CPQ: variants seen among roughly 807,000 people sequenced by gnomAD.
CPQ encodes the protein Ser-Met dipeptidase.
A neutral mutation model predicts 45.7 loss-of-function variants in CPQ; 37 were observed. The ratio of observed to expected loss-of-function variants is 0.81; its 90% CI spans 0.62 to 1.07. The LOEUF (loss-of-function observed/expected upper bound fraction) is 1.07, where lower values mean the gene tolerates loss of function less well. CPQ is among the 50% of genes least tolerant of loss of function. The pLI, the probability that CPQ is intolerant of heterozygous loss-of-function variation, is 0.00. For missense variants in CPQ, 537 were observed against 572.9 expected, an observed-to-expected ratio of 0.94 and a Z score of 0.64; for synonymous variants, 186 against 205.8, an observed-to-expected ratio of 0.90 and a Z score of 0.82.
chr8:96,667,811 C>G (rs1808946393), intron 1 of CPQ, among the ~76,000 whole-genome samples: 1 of 152,144 alleles, frequency 6.6e-6, no homozygotes, highest in South Asian at 2.1e-4. Context: ...GAAGTCCTGT[C>G]TCTTATATGA....
chr8:96,856,203 G>T (rs553731264), intron 3 of CPQ, among the ~76,000 whole-genome samples: 1 of 152,320 alleles, frequency 6.6e-6, no homozygotes, highest in Non-Finnish European at 1.5e-5. Context: ...CTGCCCAGCG[G>T]GACACAGATT....
chr8:96,967,331 T>C (rs1813583413), intron 5 of CPQ, among the ~76,000 whole-genome samples: 1 of 152,204 alleles, frequency 6.6e-6, no homozygotes, highest in African/African-American at 2.4e-5. Flanking sequence ...GGACTTTAGG[T>C]CACTTTACTA....
chr8:97,123,039 A>AAAAT lies in CPQ; in HGVS notation c.1256-19973_1256-19970dup, dbSNP rs1399667510. 4.0e-5 allele frequency among the ~76,000 whole-genome samples: 3 copies of AAAAT among 75,346 alleles called. 1 individual carries two copies. Among genetic ancestry groups the AAAAT allele is most frequent in the Non-Finnish European group, 8.0e-5 (3 of 37,376 alleles). The allele number at this position is 75,346 out of a possible 152,430, so 49.4% of individuals were successfully genotyped here. On this transcript the variant is annotated intron_variant, in intron 7 of 7. Coordinates refer to ENST00000220763, the MANE Select transcript of CPQ (RefSeq NM_016134.4). Reference sequence around the variant, plus strand: ...TAAAATAAAATAAATAAAATAAAATAAAATAAATAAAATAAAATAAAATAA... The same window carrying AAAAT: ...TAAAATAAAATAAATAAAATAAAATAAAATAAATAAATAAAATAAAATAAAATAA...
At chr8:96,816,473 A>G (rs1325109027) in intron 2 of CPQ, among the ~76,000 whole-genome samples, 5 of 152,094 alleles carry the variant, frequency 3.3e-5, no homozygotes, top group Admixed American at 6.6e-5. Context: ...GTTGGAATCA[A>G]CTTCTTCCAA....
chr8:96,753,315 C>T (rs1172101110), intron 1 of CPQ, among the ~76,000 whole-genome samples: 1 of 152,044 alleles, frequency 6.6e-6, no homozygotes, highest in African/African-American at 2.4e-5. Flanking sequence ...TTATAAAAGG[C>T]AGTTTAATAT....
chr8:96,926,353 CT>C (rs918458927), intron 4 of CPQ, among the ~76,000 whole-genome samples: 1 of 152,286 alleles, frequency 6.6e-6, no homozygotes, highest in Non-Finnish European at 1.5e-5. Flanking sequence ...GTCTCTATCA[CT>C]TTGGGGTGGG....
chr8:96,830,281 G>A (rs894464875), intron 2 of CPQ, among the ~76,000 whole-genome samples: 2 of 152,024 alleles, frequency 1.3e-5, no homozygotes, highest in African/African-American at 4.8e-5. Context: ...TTATTTTGAT[G>A]GTAGAAAATG....
intron 1 of CPQ, among the ~76,000 whole-genome samples, chr8:96,731,372 C>A (rs1337504378): frequency 6.6e-6 from 1 of 152,162 alleles, no homozygotes; most frequent in Non-Finnish European, 1.5e-5. Flanking sequence ...CTACTGCAAG[C>A]TTTCAGGTCT....
chr8:96,734,122 T>C (rs978678635), intron 1 of CPQ, among the ~76,000 whole-genome samples: 13 of 152,180 alleles, frequency 8.5e-5, no homozygotes, highest in Non-Finnish European at 1.6e-4. Context: ...CACTACTTAG[T>C]TGTCCATGCC....
chr8:96,854,677 G>T (rs1811823080), intron 3 of CPQ, among the ~76,000 whole-genome samples: 1 of 151,870 alleles, frequency 6.6e-6, no homozygotes, highest in South Asian at 2.1e-4. Context: ...ATAAAGAATT[G>T]GTTCATATGA....
intron 6 of CPQ, among the ~76,000 whole-genome samples, chr8:97,049,493 G>A (rs1398231526): frequency 1.3e-5 from 2 of 152,144 alleles, no homozygotes; most frequent in African/African-American, 4.8e-5. Flanking sequence ...CAGCTCCCCA[G>A]TTAGAACAAC....
intron 2 of CPQ, among the ~76,000 whole-genome samples, chr8:96,827,874 T>C (rs904252424): frequency 6.6e-6 from 1 of 152,118 alleles, no homozygotes; most frequent in African/African-American, 2.4e-5. Flanking sequence ...TAATGCATAA[T>C]GTAATAAATA....
In CPQ at chr8:97,048,964, A is replaced by G. The variant is rs562370464; in HGVS notation, c.1054-17045A>G. The stretch of plus-strand genomic sequence containing the variant: ...ATAAGAATGGAGCAAATGAAGGGAA[A>G]AAAAATATTCACTTGTACACAAAGC... On this transcript the variant is annotated intron_variant, in intron 6 of 7. Transcript: ENST00000220763. Among the ~76,000 whole-genome samples, 373 of 152,334 alleles carry G rather than the reference A, an allele frequency of 2.4e-3. 4 individuals carry two copies. Among genetic ancestry groups the G allele is most frequent in the Non-Finnish European group, 4.3e-3 (294 of 68,028 alleles).
chr8:96,831,377 G>A (rs1291904625), intron 2 of CPQ, among the ~76,000 whole-genome samples: 1 of 152,144 alleles, frequency 6.6e-6, no homozygotes, highest in African/African-American at 2.4e-5. Flanking sequence ...GAGGTTGGGA[G>A]AGAGTTGCAA....
intron 6 of CPQ, among the ~76,000 whole-genome samples, chr8:97,055,806 A>T (rs561335577): frequency 8.5e-5 from 13 of 152,150 alleles, no homozygotes; most frequent in African/African-American, 3.1e-4. Context: ...ACTGTTAGAG[A>T]ATAAATTTTT....
chr8:96,938,254 G>A (rs60423006), intron 4 of CPQ, among the ~76,000 whole-genome samples: 4,964 of 152,146 alleles, frequency 0.033, 279 homozygotes, highest in African/African-American at 0.11. Flanking sequence ...AATTTAGACC[G>A]GGTGTGGTGG....
chr8:96,736,867 A>G (rs951480261), intron 1 of CPQ, among the ~76,000 whole-genome samples: 6 of 152,132 alleles, frequency 3.9e-5, no homozygotes, highest in African/African-American at 1.2e-4. Flanking sequence ...TTGGTAGTTC[A>G]TACTTTCCTA....
intron 5 of CPQ, among the ~76,000 whole-genome samples, chr8:97,021,224 A>G (rs1809674703): frequency 6.6e-6 from 1 of 152,176 alleles, no homozygotes; most frequent in Non-Finnish European, 1.5e-5. Flanking sequence ...GACATACCTC[A>G]ATGTAATGAA....
At chr8:96,709,895 A>G (rs972089976) in intron 1 of CPQ, among the ~76,000 whole-genome samples, 1 of 152,146 alleles carries the variant, frequency 6.6e-6, no homozygotes, top group Non-Finnish European at 1.5e-5. Flanking sequence ...CACTGGCTTC[A>G]TAGAATGAGT....
Sources: gnomAD v4.1 joint callset for allele counts (sites outside exome capture counted in the v4.1 genomes callset) on GRCh38, gnomAD v4.1.1 for gene constraint, MANE v1.5 for transcripts, NCBI Gene and HGNC (gene_info 2026-07-23, HGNC 2026-07-21) for gene names.